The following SDF4 variants were observed in gnomAD, a reference collection of about 807,000 sequenced individuals.
SDF4 encodes the protein 45 kDa calcium-binding protein.
In SDF4, 22 loss-of-function variants were observed where a neutral mutation model predicts 34.2. The ratio of observed to expected loss-of-function variants is 0.64; its 90% CI spans 0.46 to 0.92. The LOEUF (loss-of-function observed/expected upper bound fraction) is 0.92, where lower values mean the gene tolerates loss of function less well. Among genes scored for constraint, SDF4 ranks in the 40% least tolerant of loss-of-function variants. The pLI, the probability that SDF4 is intolerant of heterozygous loss-of-function variation, is 0.00. For synonymous variants in SDF4, 236 were observed against 203.1 expected (o/e 1.16, Z -1.38); for missense variants, 447 against 499.9 (o/e 0.89, Z 1.01).
At position 1,217,578 on chromosome 1, in the gene SDF4, C is replaced by T; in HGVS notation, c.1002G>A (p.Lys334=). 6.2e-7 allele frequency: 1 copy of T among 1,613,636 alleles called. No individual in the cohort carries two copies. ...NHHLEPEEVL[K]YSEFFTGSKL... ...TGCTGCCCGTGAAGAACTCGCTGTA[C>T]TTGAGCACCTCCTCGGGCTCCAGGT... The change falls in exon 7 of 7, where the codon AAG becomes AAA. Residue 334 remains lysine, a synonymous_variant. Transcript: ENST00000360001. The surrounding 1 kb of genome is among the most constrained non-coding windows in gnomAD (Gnocchi z 8.5).
chr1:1,221,480 G>A (rs905391093), intron 4 of SDF4: 64 of 152,266 alleles, frequency 4.2e-4, no homozygotes, highest in Non-Finnish European at 1.3e-4. Flanking sequence ...ATGGGGGCTG[G>A]TCACATGATA....
At chr1:1,224,001 G>C in intron 2 of SDF4, 33 bp from the exon 3 acceptor site, 1 of 1,605,312 alleles carries the variant, frequency 6.2e-7, no homozygotes, top group Non-Finnish European at 8.5e-7. Flanking sequence ...GTGGCCGTCA[G>C]ACTGGGCCCC....
chr1:1,221,837 T>G (rs1467936645), intron 4 of SDF4, among the ~76,000 whole-genome samples: 1 of 152,058 alleles, frequency 6.6e-6, no homozygotes, highest in African/African-American at 2.4e-5. Context: ...ATGGTGCCTG[T>G]GGTCCCAGCT....
In SDF4 at chr1:1,217,073, T is replaced by A. The variant is rs1649539548; in HGVS notation, c.*439A>T. On this transcript the variant is annotated 3_prime_UTR_variant, in exon 7 of 7. Transcript: ENST00000360001. This position sits in a 1 kb window ranked among gnomAD's most constrained non-coding sequence, Gnocchi z 8.5. The stretch of plus-strand genomic sequence containing the variant: ...CCCCTGAACTTCCTGGCTACTCATT[T>A]CCAGCGAAGTTTAATCTATTTTTAA... The A allele has an allele frequency of 6.6e-6, 1 of 152,304 alleles. No individual in the cohort carries two copies. The highest frequency in any genetic ancestry group is 1.9e-4 in the East Asian group (1 of 5,186). The allele number at this position is 152,304 out of a possible 1,614,324, so 9.4% of individuals were successfully genotyped here. A position where few individuals can be genotyped will look rare whatever the true frequency, so the allele number is the denominator to read the frequency against.
chr1:1,225,783 T>TACACACTCCACAGACAC (rs1344429396), intron 2 of SDF4, among the ~76,000 whole-genome samples: 28 of 151,410 alleles, frequency 1.8e-4, no homozygotes, highest in Middle Eastern at 3.2e-3. Flanking sequence ...CCACACGCTC[T>TACACACTCCACAGACAC]ACACACTCCA....
At chr1:1,225,504 G>A (rs941558286) in intron 2 of SDF4, among the ~76,000 whole-genome samples, 3 of 152,154 alleles carry the variant, frequency 2.0e-5, no homozygotes, top group African/African-American at 7.2e-5. Flanking sequence ...CCGCTCACAC[G>A]CGCCCCTCCC....
In SDF4 at chr1:1,217,784, C is replaced by T; in HGVS notation, c.892-96G>A. ...GGCTATTTAAGGTGCCTATTGGCTG[C>T]AGCGGGAGTGTGGGCACGTTCTGGA... On this transcript the variant is annotated intron_variant, in intron 6 of 6. Transcript: ENST00000360001. The surrounding 1 kb of genome is among the most constrained non-coding windows in gnomAD (Gnocchi z 8.5). The T allele has an allele frequency of 6.3e-7, 1 of 1,592,378 alleles. No homozygotes were observed. The highest frequency in any genetic ancestry group is 8.5e-7 in the Non-Finnish European group (1 of 1,170,670).
intron 4 of SDF4, chr1:1,220,994 C>A (rs553885968): frequency 2.8e-6 from 1 of 351,010 alleles, no homozygotes; most frequent in East Asian, 7.6e-5. Context: ...GGGGCTTGTG[C>A]CTGTAATCCC....
chr1:1,223,385 G>A (rs768727934), intron 3 of SDF4, 28 bp from the exon 4 acceptor site: 2 of 1,477,350 alleles, frequency 1.4e-6, no homozygotes, highest in South Asian at 1.2e-5. Context: ...ACCTGTCAGG[G>A]CCTCTGATAC....
intron 4 of SDF4, chr1:1,219,630 G>A: frequency 1.0e-6 from 1 of 986,086 alleles, no homozygotes; most frequent in Non-Finnish European, 1.2e-6. Context: ...TGGGTGTGTG[G>A]CCCCCGCTCT....
At chr1:1,219,330 C>T in intron 4 of SDF4, 2 of 1,136,860 alleles carry the variant, frequency 1.8e-6, no homozygotes, top group Non-Finnish European at 2.2e-6. Flanking sequence ...TCCAGAACCT[C>T]CCCATGGCCC....
Position 1,228,868 on chromosome 1 carries a change from C to CTCCAA in SDF4, c.-101_-97dup. 8.4e-7 allele frequency: 1 copy of CTCCAA among 1,187,096 alleles called. No individual in the cohort carries two copies. The highest frequency in any genetic ancestry group is 1.2e-6 in the Non-Finnish European group (1 of 856,800). The allele number at this position is 1,187,096 out of a possible 1,614,324, so 73.5% of individuals were successfully genotyped here. A position where few individuals can be genotyped will look rare whatever the true frequency, so the allele number is the denominator to read the frequency against. On this transcript the variant is annotated 5_prime_UTR_variant, in exon 2 of 7. Transcript: ENST00000360001. ...GGCAGAGGAGGAAGTGAGGTCCTGG[C>CTCCAA]TCCAATCCAATCCCCGGGCACCACG...
At chr1:1,230,142 G>A (rs12089404) in intron 1 of SDF4, among the ~76,000 whole-genome samples, 7,414 of 152,248 alleles carry the variant, frequency 0.049, 189 homozygotes, top group Middle Eastern at 0.071. Flanking sequence ...AAACACCTGC[G>A]GGTCCTTTCG....
intron 2 of SDF4, among the ~76,000 whole-genome samples, chr1:1,226,532 G>A (rs1251465731): frequency 1.1e-4 from 17 of 152,232 alleles, no homozygotes; most frequent in Admixed American, 9.8e-4. Context: ...CCAGCCCAGA[G>A]GAGACAGAGG....
At position 1,218,217 on chromosome 1, in the gene SDF4, G is replaced by A. The variant is rs973488044; in HGVS notation, c.891+241C>T. Among the ~76,000 whole-genome samples, 2 of 152,316 alleles carry A rather than the reference G, an allele frequency of 1.3e-5. No homozygotes were observed. Among genetic ancestry groups the A allele is most frequent in the East Asian group, 3.9e-4 (2 of 5,172 alleles). On this transcript the variant is annotated intron_variant, in intron 6 of 6. Coordinates refer to ENST00000360001, the MANE Select transcript of SDF4 (RefSeq NM_016176.6). The surrounding 1 kb of genome is among the most constrained non-coding windows in gnomAD (Gnocchi z 7.9). ...GGGCTGTGAGAACCCTGACGCCTCC[G>A]CAAGGGGCTGAGGATGGAGCCCGGC...
Position 1,228,872 on chromosome 1 carries a change from AATC to A in SDF4, c.-103_-101del. On this transcript the variant is annotated 5_prime_UTR_variant, in exon 2 of 7. Transcript: ENST00000360001. ...GAGGAGGAAGTGAGGTCCTGGCTCC[AATC>A]CAATCCCCGGGCACCACGGAGGGCT... is the stretch of plus-strand genomic sequence containing the variant. 3.5e-6 allele frequency: 4 copies of A among 1,141,726 alleles called. No individual in the cohort carries two copies. In the African/African-American group the frequency reaches 6.2e-5, roughly 18 times the overall value. 70.7% of individuals were successfully genotyped at this position (1,141,726 alleles called of 1,614,324 possible).
In SDF4 at chr1:1,220,475, G is replaced by GC. The variant is rs201775526; in HGVS notation, c.557-1549dup. ...AGTGACGCCTGCCAGCGCTTCCCAG[G>GC]CCCCTCCTCCAGGACCCGGCAGCTG... On this transcript the variant is annotated intron_variant, in intron 4 of 6. Transcript: ENST00000360001. 3.5e-3 allele frequency: 4,217 copies of GC among 1,193,718 alleles called. 145 individuals carry two copies. In the African/African-American group the frequency reaches 0.06, roughly 17 times the overall value. 73.9% of individuals were successfully genotyped at this position (1,193,718 alleles called of 1,614,324 possible).
Position 1,228,897 on chromosome 1 carries a change from G to C in SDF4, c.-125C>G. ...AATCCAATCCCCGGGCACCACGGAGGGCTCTGTGTCCCCAGGACGGCCGCA... is the reference window on the plus strand; with the variant it reads ...AATCCAATCCCCGGGCACCACGGAGCGCTCTGTGTCCCCAGGACGGCCGCA... On this transcript the variant is annotated 5_prime_UTR_variant, in exon 2 of 7. Coordinates refer to ENST00000360001, the MANE Select transcript of SDF4 (RefSeq NM_016176.6). The C allele has an allele frequency of 2.3e-6, 2 of 885,226 alleles. No individual in the cohort carries two copies. The highest frequency in any genetic ancestry group is 3.4e-6 in the Non-Finnish European group (2 of 588,756). 54.8% of individuals were successfully genotyped at this position (885,226 alleles called of 1,614,324 possible). A position where few individuals can be genotyped will look rare whatever the true frequency, so the allele number is the denominator to read the frequency against.
Position 1,218,021 on chromosome 1 carries a change from C to T in SDF4, c.892-333G>A, listed in dbSNP as rs1276527670. On this transcript the variant is annotated intron_variant, in intron 6 of 6. Transcript: ENST00000360001. This position sits in a 1 kb window ranked among gnomAD's most constrained non-coding sequence, Gnocchi z 7.9. Reference sequence around the variant, plus strand: ...CATAAAAACAAGATGACTCACTCAGCAGTGGGAGAAAAACAAGCCTACACA... The same window carrying T: ...CATAAAAACAAGATGACTCACTCAGTAGTGGGAGAAAAACAAGCCTACACA... Among the ~76,000 whole-genome samples the T allele has an allele frequency of 2.0e-5, 3 of 152,214 alleles. No individual in the cohort carries two copies. Among genetic ancestry groups the T allele is most frequent in the Non-Finnish European group, 4.4e-5 (3 of 68,030 alleles).
Sources: gnomAD v4.1 joint callset for allele counts (sites outside exome capture counted in the v4.1 genomes callset) on GRCh38, gnomAD v4.1.1 for gene constraint, Gnocchi (gnomAD v3.1) non-coding constraint, MANE v1.5 for transcripts, NCBI Gene and HGNC (gene_info 2026-07-23, HGNC 2026-07-21) for gene names.